MICU1: variants seen among roughly 807,000 people sequenced by gnomAD.
The protein encoded by MICU1 is calcium uptake protein 1, mitochondrial.
MICU1 carries 45 observed loss-of-function variants against 56.8 expected under a neutral mutation model. That is an observed-to-expected ratio of 0.79 (90% CI 0.62 to 1.02). MICU1 has a LOEUF of 1.02. MICU1 is among the 50% of genes least tolerant of loss of function. MICU1 has a pLI of 0.00. For missense variants in MICU1, 504 were observed against 587.1 expected, an observed-to-expected ratio of 0.86 and a Z score of 1.46; for synonymous variants, 186 against 195.1, an observed-to-expected ratio of 0.95 and a Z score of 0.39.
At chr10:72,371,471 G>A (rs144527417) in intron 11 of MICU1, among the ~76,000 whole-genome samples, 4,272 of 144,222 alleles carry the variant, frequency 0.03, 181 homozygotes, top group African/African-American at 0.1. Context: ...GGCCAGGCAC[G>A]GTGCCTCACG....
intron 3 of MICU1, among the ~76,000 whole-genome samples, chr10:72,556,571 T>G (rs973064560): frequency 2.0e-5 from 3 of 151,930 alleles, no homozygotes; most frequent in Non-Finnish European, 4.4e-5. Flanking sequence ...ACTCCTGAGC[T>G]CAGGTGATCC....
At chr10:72,459,244 T>C (rs1429023877) in intron 8 of MICU1, among the ~76,000 whole-genome samples, 2 of 152,078 alleles carry the variant, frequency 1.3e-5, no homozygotes, top group South Asian at 2.1e-4. Flanking sequence ...GGCAGGAGCA[T>C]TGCTTGAACC....
At chr10:72,457,278 C>T (rs547947405) in intron 8 of MICU1, among the ~76,000 whole-genome samples, 107 of 147,866 alleles carry the variant, frequency 7.2e-4, no homozygotes, top group Non-Finnish European at 1.2e-3. Context: ...GAGTGCAGGG[C>T]GCAATCACAG....
chr10:72,485,533 TA>T (rs1866441147), intron 6 of MICU1, among the ~76,000 whole-genome samples: 1 of 151,466 alleles, frequency 6.6e-6, no homozygotes, highest in Non-Finnish European at 1.5e-5. Flanking sequence ...ACGTCGGTAC[TA>T]TTAATGTCCG....
At chr10:72,443,737 G>T (rs1443192259) in intron 8 of MICU1, among the ~76,000 whole-genome samples, 5 of 152,100 alleles carry the variant, frequency 3.3e-5, no homozygotes, top group African/African-American at 1.2e-4. Context: ...TGCTGGAGAG[G>T]ATGTGGAGAA....
chr10:72,549,185 T>C (rs1839969464), intron 4 of MICU1, among the ~76,000 whole-genome samples: 1 of 151,494 alleles, frequency 6.6e-6, no homozygotes, highest in Non-Finnish European at 1.5e-5. Flanking sequence ...GTGTCTGTTT[T>C]TTTTGGTTTT....
At chr10:72,569,237 A>ATATATTTTTTTTTTTTTTT in intron 1 of MICU1, among the ~76,000 whole-genome samples, 1 of 34,380 alleles carries the variant, frequency 2.9e-5, no homozygotes, top group African/African-American at 1.1e-4. Flanking sequence ...ATATATATAT[A>ATATATTTTTTTTTTTTTTT]TTTTTTTTTT....
intron 1 of MICU1, among the ~76,000 whole-genome samples, chr10:72,610,961 C>CA (rs1363553225): frequency 1.3e-5 from 2 of 151,916 alleles, no homozygotes; most frequent in East Asian, 3.9e-4. Flanking sequence ...CCTGCTGCCA[C>CA]AAAAAAGTAG....
chr10:72,573,325 A>AAC (rs1840660221), intron 1 of MICU1, among the ~76,000 whole-genome samples: 2 of 149,458 alleles, frequency 1.3e-5, no homozygotes, highest in Non-Finnish European at 3.0e-5. Flanking sequence ...AAAAAAAAAA[A>AAC]AAAAAAAAAA....
At chr10:72,498,947 C>T (rs1468765294) in intron 6 of MICU1, among the ~76,000 whole-genome samples, 7 of 152,094 alleles carry the variant, frequency 4.6e-5, no homozygotes, top group African/African-American at 1.7e-4. Flanking sequence ...CCAGAAATCA[C>T]GTGTCTGTAA....
At chr10:72,613,402 TGGCTA>T (rs1841903377) in intron 1 of MICU1, among the ~76,000 whole-genome samples, 2 of 151,552 alleles carry the variant, frequency 1.3e-5, no homozygotes, top group African/African-American at 4.8e-5. Context: ...GCCTCCTGAG[TGGCTA>T]GGAACTACAG....
intron 6 of MICU1, chr10:72,477,559 C>G (rs762321095): frequency 2.6e-6 from 4 of 1,534,830 alleles, no homozygotes; most frequent in Non-Finnish European, 3.5e-6. Context: ...ATCTTCTTAG[C>G]TTAGTAATAT....
chr10:72,401,940 C>G (rs919298015), intron 10 of MICU1, among the ~76,000 whole-genome samples: 1 of 152,026 alleles, frequency 6.6e-6, no homozygotes, highest in African/African-American at 2.4e-5. Flanking sequence ...CACTTAGATT[C>G]CATATATAAG....
chr10:72,410,948 G>T (rs1863789064), intron 9 of MICU1, among the ~76,000 whole-genome samples: 1 of 152,172 alleles, frequency 6.6e-6, no homozygotes, highest in Admixed American at 6.5e-5. Flanking sequence ...GACACATAAA[G>T]GTGGAGGCAA....
intron 10 of MICU1, among the ~76,000 whole-genome samples, chr10:72,401,347 G>A (rs1863448678): frequency 6.6e-6 from 1 of 152,140 alleles, no homozygotes; most frequent in South Asian, 2.1e-4. Context: ...CCACAATCAA[G>A]CTAATTAACA....
At chr10:72,377,268 T>C (rs1244003039) in intron 10 of MICU1, among the ~76,000 whole-genome samples, 2 of 152,140 alleles carry the variant, frequency 1.3e-5, no homozygotes, top group East Asian at 1.9e-4. Context: ...TACTGGTGCC[T>C]GCCATCACGC....
chr10:72,441,605 T>C lies in MICU1; in HGVS notation c.934-18234A>G, dbSNP rs557012684. Among the ~76,000 whole-genome samples, 338 of 136,938 alleles carry C rather than the reference T, an allele frequency of 2.5e-3. 2 individuals carry two copies. The highest frequency in any genetic ancestry group is 8.2e-3 in the African/African-American group (316 of 38,324). 89.8% of individuals were successfully genotyped at this position (136,938 alleles called of 152,430 possible). A position where few individuals can be genotyped will look rare whatever the true frequency, so the allele number is the denominator to read the frequency against. On this transcript the variant is annotated intron_variant, in intron 8 of 11. Coordinates refer to ENST00000361114, the MANE Select transcript of MICU1 (RefSeq NM_001195518.2). ...AAGTCAATATATTTATTCACTTATT[T>C]TTAATTTTTCTTTTTTTTTTTTTTT...
chr10:72,577,214 G>A (rs1334646713), intron 1 of MICU1, among the ~76,000 whole-genome samples: 1 of 151,862 alleles, frequency 6.6e-6, no homozygotes, highest in East Asian at 1.9e-4. Flanking sequence ...AGGGATAAAA[G>A]ACTACATATT....
At chr10:72,423,986 A>AGCG (rs1186309850) in intron 8 of MICU1, among the ~76,000 whole-genome samples, 1 of 152,238 alleles carries the variant, frequency 6.6e-6, no homozygotes, top group Non-Finnish European at 1.5e-5. Context: ...TCATTTCTTC[A>AGCG]GCTAGCTCAG....
Sources: allele counts gnomAD v4.1 joint callset (sites outside exome capture counted in the v4.1 genomes callset), GRCh38; gene constraint gnomAD v4.1.1; transcripts MANE v1.5; gene names NCBI Gene and HGNC (gene_info 2026-07-23, HGNC 2026-07-21).